Variants in GRIK2 observed in about 807,000 individuals in gnomAD.
GRIK2 encodes the protein glutamate receptor ionotropic, kainate 2.
A neutral mutation model predicts 100.3 loss-of-function variants in GRIK2; 32 were observed. That is an observed-to-expected ratio of 0.32 (90% confidence interval 0.24 to 0.43). The LOEUF is 0.43. GRIK2 is among the 20% of genes least tolerant of loss of function. The pLI, the probability that GRIK2 is intolerant of heterozygous loss-of-function variation, is 1.00. For synonymous variants in GRIK2, 417 were observed against 389.4 expected, an observed-to-expected ratio of 1.07 and a Z score of -0.83; for missense variants, 843 against 1,114.9, an observed-to-expected ratio of 0.76 and a Z score of 3.47.
At chr6:101,789,798 T>G (rs959205524) in intron 7 of GRIK2, among the ~76,000 whole-genome samples, 4 of 152,144 alleles carry the variant, frequency 2.6e-5, no homozygotes, top group Admixed American at 1.3e-4. Flanking sequence ...ACCTTGGGCA[T>G]TATGGCCATT....
chr6:101,730,512 A>T (rs1775186390), intron 7 of GRIK2, among the ~76,000 whole-genome samples: 1 of 151,954 alleles, frequency 6.6e-6, no homozygotes, highest in Admixed American at 6.6e-5. Flanking sequence ...AATGAACAAA[A>T]ACAGTGCTGG....
intron 2 of GRIK2, among the ~76,000 whole-genome samples, chr6:101,451,837 T>G (rs2128249356): frequency 6.6e-6 from 1 of 151,790 alleles, no homozygotes; most frequent in African/African-American, 2.4e-5. Flanking sequence ...AGAGACTTTA[T>G]TTTGTGCTAC....
chr6:101,534,100 G>A (rs1031269484), intron 2 of GRIK2, among the ~76,000 whole-genome samples: 4 of 151,310 alleles, frequency 2.6e-5, no homozygotes, highest in Non-Finnish European at 5.9e-5. Context: ...TATGGATTAA[G>A]TTAATCAGAA....
At chr6:102,036,635 A>G (rs749796143) in intron 15 of GRIK2, among the ~76,000 whole-genome samples, 5 of 151,212 alleles carry the variant, frequency 3.3e-5, no homozygotes, top group Admixed American at 1.3e-4. Flanking sequence ...TGTAGATATT[A>G]TTTTTTGGTA....
chr6:101,655,479 C>A (rs976760172), intron 4 of GRIK2, among the ~76,000 whole-genome samples: 6 of 152,134 alleles, frequency 3.9e-5, no homozygotes, highest in African/African-American at 1.4e-4. Context: ...AAAATCCATA[C>A]CTGCCACTTA....
At chr6:101,662,938 T>G (rs1391067982) in intron 4 of GRIK2, among the ~76,000 whole-genome samples, 1 of 152,084 alleles carries the variant, frequency 6.6e-6, no homozygotes, top group Non-Finnish European at 1.5e-5. Flanking sequence ...TTTTAATCAT[T>G]CATAAGATAA....
intron 2 of GRIK2, among the ~76,000 whole-genome samples, chr6:101,458,146 A>G (rs912326604): frequency 6.6e-6 from 1 of 151,984 alleles, no homozygotes; most frequent in African/African-American, 2.4e-5. Context: ...CTGGATTAAA[A>G]TATTTTTGTT....
intron 9 of GRIK2, among the ~76,000 whole-genome samples, chr6:101,804,009 C>T (rs1780830746): frequency 6.6e-6 from 1 of 151,710 alleles, no homozygotes; most frequent in Non-Finnish European, 1.5e-5. Flanking sequence ...CAGTCCTTAT[C>T]CTCAAGGGGC....
At chr6:101,777,643 C>G (rs118068343) in intron 7 of GRIK2, among the ~76,000 whole-genome samples, 1 of 151,932 alleles carries the variant, frequency 6.6e-6, no homozygotes, top group East Asian at 1.9e-4. Flanking sequence ...GTGAAAGATC[C>G]AGAATTCATA....
intron 2 of GRIK2, among the ~76,000 whole-genome samples, chr6:101,530,718 T>A (rs1274382639): frequency 6.6e-6 from 1 of 152,020 alleles, no homozygotes; most frequent in African/African-American, 2.4e-5. Context: ...GAAGAAATTT[T>A]TGGTGACTGA....
At chr6:101,662,933 A>G (rs938041609) in intron 4 of GRIK2, among the ~76,000 whole-genome samples, 1 of 152,134 alleles carries the variant, frequency 6.6e-6, no homozygotes, top group Non-Finnish European at 1.5e-5. Context: ...ACATCTTTTA[A>G]TCATTCATAA....
chr6:102,055,113 C>A (rs1279637381), intron 15 of GRIK2, among the ~76,000 whole-genome samples: 1 of 152,040 alleles, frequency 6.6e-6, no homozygotes, highest in African/African-American at 2.4e-5. Flanking sequence ...TTTCTTAAAA[C>A]AAAATTCATT....
intron 15 of GRIK2, among the ~76,000 whole-genome samples, chr6:102,042,719 C>CTGACA (rs1184933321): frequency 1.3e-5 from 2 of 151,748 alleles, no homozygotes; most frequent in Middle Eastern, 3.4e-3. Context: ...GAAATCATTG[C>CTGACA]TGACATAACC....
chr6:101,646,628 A>T (rs1781538491), intron 4 of GRIK2, among the ~76,000 whole-genome samples: 1 of 152,022 alleles, frequency 6.6e-6, no homozygotes, highest in South Asian at 2.1e-4. Flanking sequence ...TTACAACAGC[A>T]ATATTTCTGT....
intron 12 of GRIK2, among the ~76,000 whole-genome samples, chr6:101,905,502 A>G (rs905704676): frequency 6.6e-6 from 1 of 151,434 alleles, no homozygotes; most frequent in Admixed American, 6.6e-5. Context: ...GTAAAGTTAT[A>G]TTATTTATTT....
chr6:101,747,169 T>C (rs1776470310), intron 7 of GRIK2, among the ~76,000 whole-genome samples: 2 of 152,178 alleles, frequency 1.3e-5, no homozygotes, highest in East Asian at 3.8e-4. Flanking sequence ...CTGCTCAGCA[T>C]TTTTCCTTTC....
rs780483214 is a variant in GRIK2, at chr6:101,922,629, A to G, written c.1749-1972A>G. On this transcript the variant is annotated intron_variant, in intron 12 of 16. Transcript: ENST00000369134. ...ACCTGCTGGCACTACATTAACCCAT[A>G]CAATCCTTTAGAATACGCTTATGGG... Among the ~76,000 whole-genome samples, 67 of 152,272 alleles carry G rather than the reference A, an allele frequency of 4.4e-4. 3 individuals carry two copies. In the South Asian group the frequency reaches 6.8e-3, roughly 16 times the overall value.
At chr6:101,943,575 C>A (rs747618168) in intron 14 of GRIK2, among the ~76,000 whole-genome samples, 1 of 152,212 alleles carries the variant, frequency 6.6e-6, no homozygotes, top group Non-Finnish European at 1.5e-5. Context: ...GGGAGCCCAC[C>A]TCTTGCATCA....
chr6:101,654,769 T>C (rs1297892023), intron 4 of GRIK2, among the ~76,000 whole-genome samples: 1 of 152,144 alleles, frequency 6.6e-6, no homozygotes, highest in Non-Finnish European at 1.5e-5. Flanking sequence ...CTTTAACCTC[T>C]ATGCCAGATG....
Sources: allele counts gnomAD v4.1 joint callset (sites outside exome capture counted in the v4.1 genomes callset), GRCh38; gene constraint gnomAD v4.1.1; transcripts MANE v1.5; gene names NCBI Gene and HGNC (gene_info 2026-07-23, HGNC 2026-07-21).